The following C16orf96 variants were observed in gnomAD, a reference collection of about 807,000 sequenced individuals.
The protein encoded by C16orf96 is uncharacterized protein C16orf96.
Under a neutral mutation model 103.6 loss-of-function variants are expected in C16orf96, and 108 were observed. The ratio of observed to expected loss-of-function variants is 1.04; its 90% CI spans 0.89 to 1.22. The LOEUF (loss-of-function observed/expected upper bound fraction) is 1.22. Ranked by LOEUF, C16orf96 falls within the 50% of genes most tolerant of loss-of-function variation. C16orf96 has a pLI of 0.00. For synonymous variants in C16orf96, 566 were observed against 593.5 expected (o/e 0.95, Z 0.67); for missense variants, 1,586 against 1,464.2 (o/e 1.08, Z -1.36).
In C16orf96 at chr16:4,600,339, C is replaced by A; in HGVS notation, c.*22C>A. 1.3e-6 allele frequency: 2 copies of A among 1,505,106 alleles called. No homozygotes were observed. The highest frequency in any genetic ancestry group is 1.4e-5 in the African/African-American group (1 of 72,326). The allele number at this position is 1,505,106 out of a possible 1,614,324, so 93.2% of individuals were successfully genotyped here. The stretch of plus-strand genomic sequence containing the variant: ...GTGAGCCCCACCCCGCTGCGCCCCC[C>A]ATCGCCAAGTCCCCTCCACGTCCGA... On this transcript the variant is annotated 3_prime_UTR_variant, in exon 16 of 16. Coordinates refer to ENST00000444310, the MANE Select transcript of C16orf96 (RefSeq NM_001145011.2).
upstream of C16orf96, among the ~76,000 whole-genome samples, chr16:4,555,214 G>A (rs1193381790): frequency 6.6e-6 from 1 of 150,980 alleles, no homozygotes; most frequent in Non-Finnish European, 1.5e-5. Context: ...AGTGAGCGGA[G>A]ATCGCGCCAC....
At chr16:4,549,667 G>A in the C16orf96 span, among the ~76,000 whole-genome samples, 3 of 151,826 alleles carry the variant, frequency 2.0e-5, no homozygotes, top group African/African-American at 4.8e-5. Flanking sequence ...GCAGGGTTGC[G>A]GGCGCCTGCA....
chr16:4,557,589 G>A (rs1456533686), intron 1 of C16orf96, among the ~76,000 whole-genome samples: 1 of 152,126 alleles, frequency 6.6e-6, no homozygotes, highest in African/African-American at 2.4e-5. Context: ...AGATGGAGGT[G>A]GTAGTTATAC....
chr16:4,588,906 A>G (rs1896992573), intron 9 of C16orf96, among the ~76,000 whole-genome samples: 1 of 151,390 alleles, frequency 6.6e-6, no homozygotes, highest in Non-Finnish European at 1.5e-5. Context: ...ACCTAATTTA[A>G]CCTCTTTGGG....
the C16orf96 span, among the ~76,000 whole-genome samples, chr16:4,546,668 G>A: frequency 6.6e-6 from 1 of 151,954 alleles, no homozygotes; most frequent in East Asian, 1.9e-4. Flanking sequence ...GTCTCACCGC[G>A]TTGCCCAGGC....
intron 6 of C16orf96, 83 bp from the exon 7 acceptor site, chr16:4,579,932 G>A: frequency 8.4e-7 from 1 of 1,185,514 alleles, no homozygotes; most frequent in Non-Finnish European, 1.2e-6. Context: ...ATTCTTCTTG[G>A]CCTCAACCCT....
intron 1 of C16orf96, chr16:4,562,937 T>C: frequency 4.3e-6 from 6 of 1,403,940 alleles, no homozygotes; most frequent in African/African-American, 1.4e-5. Context: ...TCCAATATTC[T>C]CCAATATCAA....
At chr16:4,579,146 G>A in intron 6 of C16orf96, 121 bp downstream of exon 6, 1 of 896,360 alleles carries the variant, frequency 1.1e-6, no homozygotes, top group Non-Finnish European at 1.7e-6. Context: ...CAGGCTGGGG[G>A]AAAGCGAGCT....
the C16orf96 span, among the ~76,000 whole-genome samples, chr16:4,542,090 G>T: frequency 6.6e-6 from 1 of 152,212 alleles, no homozygotes; most frequent in Non-Finnish European, 1.5e-5. Flanking sequence ...GAAATTTCCA[G>T]GCTGGTCCCT....
At chr16:4,591,887 AG>A in intron 10 of C16orf96, 103 bp downstream of exon 10, 1 of 925,862 alleles carries the variant, frequency 1.1e-6, no homozygotes, top group South Asian at 1.4e-5. Context: ...CCTTTGGATG[AG>A]GGGATGGGGG....
intron 1 of C16orf96, among the ~76,000 whole-genome samples, chr16:4,570,614 A>G (rs1356634071): frequency 6.6e-6 from 1 of 151,996 alleles, no homozygotes; most frequent in Non-Finnish European, 1.5e-5. Flanking sequence ...ACAGGCACGC[A>G]ACATCAGGAA....
intron 2 of C16orf96, among the ~76,000 whole-genome samples, chr16:4,573,751 C>CAAA (rs558632038): frequency 1.1e-5 from 1 of 94,770 alleles, no homozygotes; most frequent in Non-Finnish European, 2.2e-5. Context: ...GACTCTGTCT[C>CAAA]AAAAAAAAAA....
At chr16:4,566,626 T>C (rs373219255) in intron 1 of C16orf96, among the ~76,000 whole-genome samples, 1 of 152,204 alleles carries the variant, frequency 6.6e-6, no homozygotes, top group African/African-American at 2.4e-5. Flanking sequence ...TTGTGGGTTG[T>C]ATTTTCATTT....
At chr16:4,545,609 C>T in the C16orf96 span, among the ~76,000 whole-genome samples, 7 of 152,144 alleles carry the variant, frequency 4.6e-5, no homozygotes, top group Non-Finnish European at 8.8e-5. Flanking sequence ...CCCTGACCTG[C>T]CTTCAGCAAG....
At chr16:4,579,203 GT>G (rs60755749) in intron 6 of C16orf96, among the ~76,000 whole-genome samples, 178 bp downstream of exon 6, 127,594 of 149,496 alleles carry the variant, frequency 0.85, 55,739 homozygotes, top group South Asian at 0.98. Context: ...CACTGGTGCG[GT>G]GGGGGGGCCC....
intron 1 of C16orf96, among the ~76,000 whole-genome samples, chr16:4,564,859 G>C (rs1374131678): frequency 6.6e-6 from 1 of 152,146 alleles, no homozygotes; most frequent in Admixed American, 6.5e-5. Context: ...TAACTATTTT[G>C]TAACATTGCT....
At chr16:4,580,963 A>G (rs935907004) in intron 7 of C16orf96, among the ~76,000 whole-genome samples, 5 of 151,566 alleles carry the variant, frequency 3.3e-5, no homozygotes, top group Admixed American at 1.3e-4. Context: ...TGTCTCTACT[A>G]AAAATACAAA....
At chr16:4,590,787 G>C (rs1457445342) in intron 9 of C16orf96, among the ~76,000 whole-genome samples, 2 of 151,554 alleles carry the variant, frequency 1.3e-5, no homozygotes, top group African/African-American at 4.9e-5. Context: ...GGGAGGCTGA[G>C]GTGGGCGGAT....
In C16orf96 at chr16:4,556,543, C is replaced by A. The variant is rs58844372; in HGVS notation, c.54C>A (p.Cys18Ter). 1 of 1,550,542 alleles carries A rather than the reference C, an allele frequency of 6.4e-7. No individual in the cohort carries two copies. Among genetic ancestry groups the A allele is most frequent in the Admixed American group, 2.0e-5 (1 of 50,964 alleles). The change falls in exon 1 of 16, where the codon TGC (cysteine) becomes TGA (stop). Residue 18 changes from cysteine (C) to a stop codon, truncating the protein, a stop_gained. Transcript: ENST00000444310. LOFTEE classifies it high-confidence loss of function. ...TGGCCAACATCGCCATCCCACAGTGCGGGGTGCTGAACTTCAAGGCCCTGC... is the reference window on the plus strand; with the variant it reads ...TGGCCAACATCGCCATCCCACAGTGAGGGGTGCTGAACTTCAAGGCCCTGC... Reference protein sequence around the residue: ...TELANIAIPQCGVLNFKALHL... With the variant: ...TELANIAIPQ
Sources: gnomAD v4.1 joint callset for allele counts (sites outside exome capture counted in the v4.1 genomes callset) on GRCh38, gnomAD v4.1.1 for gene constraint, MANE v1.5 for transcripts, NCBI Gene and HGNC (gene_info 2026-07-23, HGNC 2026-07-21) for gene names.